Variants in MR1 observed in about 807,000 individuals in gnomAD.
MR1 encodes the protein major histocompatibility complex class I-related protein 1.
In MR1, 44 loss-of-function variants were observed where a neutral mutation model predicts 37.8. The observed-to-expected ratio is 1.16, with a 90% CI of 0.91 to 1.50. The LOEUF is 1.50. MR1 is among the 40% of genes most tolerant of loss of function. The probability of loss-of-function intolerance (pLI) is 0.00; values close to 1 mark genes in which losing one functional copy is unlikely to be tolerated. For synonymous variants in MR1, 153 were observed against 155.8 expected, an observed-to-expected ratio of 0.98 and a Z score of 0.13; for missense variants, 386 against 419.1, an observed-to-expected ratio of 0.92 and a Z score of 0.69.
At chr1:181,042,649 T>C (rs1398396746) in intron 1 of MR1, among the ~76,000 whole-genome samples, 2 of 150,930 alleles carry the variant, frequency 1.3e-5, no homozygotes, top group African/African-American at 4.9e-5. Context: ...TAAAAAAAAA[T>C]ACAAAAATTA....
rs753312375 is a variant in MR1, at chr1:181,052,460, C to T, written c.830C>T (p.Ser277Phe). 9 of 1,614,168 alleles carry T rather than the reference C, an allele frequency of 5.6e-6. No homozygotes were observed. The Admixed American group carries it at 8.3e-5, about 15-fold the overall frequency. Residue 277 changes from serine to phenylalanine, a missense_variant, in exon 4 of 6, where the codon TCC becomes TTC. Coordinates refer to ENST00000367580, the MANE Select transcript of MR1 (RefSeq NM_001385161.1). ...GATCCTCAGAGCAGCAACCTTTACT[C>T]CTGTCATGTGGAGCACTGCGGTGTC... The part of the protein sequence containing the change: ...ELDPQSSNLY[S>F]CHVEHCGVHM...
chr1:181,051,593 G>C (rs1056267809), intron 3 of MR1, among the ~76,000 whole-genome samples: 16 of 152,184 alleles, frequency 1.1e-4, no homozygotes, highest in Non-Finnish European at 2.4e-4. Flanking sequence ...ATTAAGGACA[G>C]GACTGTATGG....
intron 1 of MR1, among the ~76,000 whole-genome samples, chr1:181,045,978 C>T (rs926487859): frequency 6.6e-6 from 1 of 152,254 alleles, no homozygotes; most frequent in African/African-American, 2.4e-5. Context: ...CCCGGGCCAG[C>T]GGCTGCGGAG....
Position 181,052,397 on chromosome 1 carries a change from G to T in MR1, c.767G>T (p.Gly256Val), listed in dbSNP as rs1455646374. Residue 256 changes from glycine to valine, a missense_variant, in exon 4 of 6, where the codon GGG becomes GTG. Coordinates refer to ENST00000367580, the MANE Select transcript of MR1 (RefSeq NM_001385161.1). ...GATTATGGAGACATTCTTCCCAGTG[G>T]GGATGGAACCTATCAGGCGTGGGCA... Reference protein sequence around the residue: ...EIDYGDILPSGDGTYQAWASI... With the variant: ...EIDYGDILPSVDGTYQAWASI... The T allele has an allele frequency of 6.2e-7, 1 of 1,614,072 alleles. No individual in the cohort carries two copies. Among genetic ancestry groups the T allele is most frequent in the Admixed American group, 1.7e-5 (1 of 59,998 alleles).
chr1:181,052,449 CA>C lies in MR1; in HGVS notation c.821del (p.Asn274ThrfsTer28). The C allele has an allele frequency of 6.2e-7, 1 of 1,614,184 alleles. No individual in the cohort carries two copies. Among genetic ancestry groups the C allele is most frequent in the Non-Finnish European group, 8.5e-7 (1 of 1,180,038 alleles). On this transcript the variant is annotated frameshift_variant, in exon 4 of 6. Coordinates refer to ENST00000367580, the MANE Select transcript of MR1 (RefSeq NM_001385161.1). LOFTEE classifies it high-confidence loss of function. ...CAATTGAGCTTGATCCTCAGAGCAG[CA>C]ACCTTTACTCCTGTCATGTGGAGCA... ...ASIELDPQSS[N>X]LYSCHVEHCG...
intron 5 of MR1, 92 bp downstream of exon 5, chr1:181,053,769 C>T: frequency 1.1e-6 from 1 of 927,204 alleles, no homozygotes; most frequent in Non-Finnish European, 1.7e-6. Context: ...CTCCTCCATT[C>T]AGAAATGGCT....
rs764714060 is a variant in MR1 at position 181,049,222 on chromosome 1, C to T, written c.238C>T (p.His80Tyr). Residue 80 changes from histidine (H) to tyrosine (Y), a missense_variant, in exon 2 of 6, where the codon CAC becomes TAC. Coordinates refer to ENST00000367580, the MANE Select transcript of MR1 (RefSeq NM_001385161.1). ...GATGGCAGAGAACCTCGCGCCTGATCACTGGGAGAGGTACACTCAGCTGCT... is the reference window on the plus strand; with the variant it reads ...GATGGCAGAGAACCTCGCGCCTGATTACTGGGAGAGGTACACTCAGCTGCT... The part of the protein sequence containing the change: ...PWMAENLAPD[H>Y]WERYTQLLRG... 6 of 1,614,178 alleles carry T rather than the reference C, an allele frequency of 3.7e-6. No individual in the cohort carries two copies. Among genetic ancestry groups the T allele is most frequent in the South Asian group, 1.1e-5 (1 of 91,078 alleles).
chr1:181,040,449 C>T (rs1657497587), intron 1 of MR1, among the ~76,000 whole-genome samples: 1 of 152,176 alleles, frequency 6.6e-6, no homozygotes, highest in South Asian at 2.1e-4. Flanking sequence ...GACTTTTCCT[C>T]ATCTTTTCTG....
rs1402406773 is a variant in MR1 at position 181,057,391 on chromosome 1, A to C, written c.*2126A>C. 6.6e-6 allele frequency: 1 copy of C among 152,248 alleles called. No individual in the cohort carries two copies. Among genetic ancestry groups the C allele is most frequent in the Non-Finnish European group, 1.5e-5 (1 of 68,050 alleles). 9.4% of individuals were successfully genotyped at this position (152,248 alleles called of 1,614,324 possible). A position where few individuals can be genotyped will look rare whatever the true frequency, so the allele number is the denominator to read the frequency against. ...ATTTCTGGAATGGTTTCTTCTTACAATCAGAATAGTTAGGATGTAATATAT... is the reference window on the plus strand; with the variant it reads ...ATTTCTGGAATGGTTTCTTCTTACACTCAGAATAGTTAGGATGTAATATAT... On this transcript the variant is annotated 3_prime_UTR_variant, in exon 6 of 6. Coordinates refer to ENST00000367580, the MANE Select transcript of MR1 (RefSeq NM_001385161.1).
chr1:181,042,927 T>C (rs574971747), intron 1 of MR1, among the ~76,000 whole-genome samples: 135 of 152,304 alleles, frequency 8.9e-4, no homozygotes, highest in African/African-American at 3.1e-3. Flanking sequence ...GCTACTACCA[T>C]GTGCCAAGCT....
intron 1 of MR1, among the ~76,000 whole-genome samples, chr1:181,047,386 G>T (rs1657946759): frequency 6.6e-6 from 1 of 152,028 alleles, no homozygotes; most frequent in African/African-American, 2.4e-5. Flanking sequence ...AGATCATGAG[G>T]TCAGGAATTC....
intron 4 of MR1, among the ~76,000 whole-genome samples, chr1:181,053,088 C>CA (rs1433787248): frequency 6.6e-6 from 1 of 151,068 alleles, no homozygotes; most frequent in Non-Finnish European, 1.5e-5. Context: ...AAACAAAAAA[C>CA]AAAAAAACAC....
At chr1:181,034,121 G>A in intron 1 of MR1, 47 bp downstream of exon 1, 1 of 1,560,638 alleles carries the variant, frequency 6.4e-7, no homozygotes, top group Non-Finnish European at 8.7e-7. Context: ...AGTCGAGGCA[G>A]CCTAGAAGGC....
In MR1 at chr1:181,055,613, A is replaced by G. The variant is rs1191044475; in HGVS notation, c.*348A>G. 7 of 303,636 alleles carry G rather than the reference A, an allele frequency of 2.3e-5. No homozygotes were observed. Among genetic ancestry groups the G allele is most frequent in the Non-Finnish European group, 4.2e-5 (7 of 165,870 alleles). 18.8% of individuals were successfully genotyped at this position (303,636 alleles called of 1,614,324 possible). A position where few individuals can be genotyped will look rare whatever the true frequency, so the allele number is the denominator to read the frequency against. ...AGGAAGGAATCTTTTCAACCAGAGC[A>G]GGAACTGTCTTCTGCAATGCCTTGG... On this transcript the variant is annotated 3_prime_UTR_variant, in exon 6 of 6. Coordinates refer to ENST00000367580, the MANE Select transcript of MR1 (RefSeq NM_001385161.1).
At chr1:181,048,774 C>G (rs934327216) in intron 1 of MR1, among the ~76,000 whole-genome samples, 1 of 152,186 alleles carries the variant, frequency 6.6e-6, no homozygotes, top group Non-Finnish European at 1.5e-5. Context: ...CATAGCAGCA[C>G]TCTATATTTT....
intron 1 of MR1, among the ~76,000 whole-genome samples, chr1:181,036,368 C>T (rs1460002954): frequency 2.0e-5 from 3 of 152,168 alleles, no homozygotes; most frequent in Non-Finnish European, 4.4e-5. Context: ...TCACATGACC[C>T]ATCTGGCTTG....
chr1:181,049,397 T>C, intron 2 of MR1, 85 bp downstream of exon 2: 7 of 1,463,930 alleles, frequency 4.8e-6, no homozygotes, highest in Non-Finnish European at 6.4e-6. Context: ...AAGCGGATGC[T>C]GAATTGCACC....
At position 181,061,732 on chromosome 1, in the gene MR1, A is replaced by G. The variant is rs574814942; in HGVS notation, c.*6467A>G. 20 of 152,262 alleles carry G rather than the reference A, an allele frequency of 1.3e-4. No homozygotes were observed. The highest frequency in any genetic ancestry group is 2.5e-4 in the Non-Finnish European group (17 of 68,046). 9.4% of individuals were successfully genotyped at this position (152,262 alleles called of 1,614,324 possible). On this transcript the variant is annotated 3_prime_UTR_variant, in exon 6 of 6. Coordinates refer to ENST00000367580, the MANE Select transcript of MR1 (RefSeq NM_001385161.1). Reference sequence around the variant, plus strand: ...GTAAATACTTTTTGAATGAACTAGTATAGTATTTTAATTAGCTAGTCTTCA... The same window carrying G: ...GTAAATACTTTTTGAATGAACTAGTGTAGTATTTTAATTAGCTAGTCTTCA...
chr1:181,039,510 T>A (rs1289954698), intron 1 of MR1, among the ~76,000 whole-genome samples: 1 of 152,184 alleles, frequency 6.6e-6, no homozygotes, highest in East Asian at 1.9e-4. Flanking sequence ...GGTATTTGAT[T>A]TGTTCTTCTC....
Sources: gnomAD v4.1 joint callset for allele counts (sites outside exome capture counted in the v4.1 genomes callset) on GRCh38, gnomAD v4.1.1 for gene constraint, MANE v1.5 for transcripts, NCBI Gene and HGNC (gene_info 2026-07-23, HGNC 2026-07-21) for gene names.